The following PHF2 variants were observed in gnomAD, a reference collection of about 807,000 sequenced individuals.
PHF2 encodes the protein PHD finger protein 2, also known as lysine-specific demethylase PHF2.
Under a neutral mutation model 120.5 loss-of-function variants are expected in PHF2, and 27 were observed. That is an observed-to-expected ratio of 0.22 (90% CI 0.17 to 0.31). The LOEUF (loss-of-function observed/expected upper bound fraction) is 0.31. Among genes scored for constraint, PHF2 ranks in the 10% least tolerant of loss-of-function variants. The pLI, the probability that PHF2 is intolerant of heterozygous loss-of-function variation, is 1.00. For synonymous variants in PHF2, 568 were observed against 592.5 expected, an observed-to-expected ratio of 0.96 and a Z score of 0.60; for missense variants, 1,024 against 1,434.8, an observed-to-expected ratio of 0.71 and a Z score of 4.63.
At chr9:93,619,071 G>T (rs899522058) in intron 1 of PHF2, among the ~76,000 whole-genome samples, 1 of 151,920 alleles carries the variant, frequency 6.6e-6, no homozygotes, top group Non-Finnish European at 1.5e-5. Flanking sequence ...TGCAGACCTC[G>T]CTTGCCTGTG....
intron 4 of PHF2, among the ~76,000 whole-genome samples, chr9:93,648,370 G>A (rs1826298616): frequency 6.6e-6 from 1 of 152,208 alleles, no homozygotes; most frequent in Non-Finnish European, 1.5e-5. Flanking sequence ...TTTCATCTGT[G>A]GGGAGGCCTG....
chr9:93,636,327 G>A, intron 2 of PHF2, 84 bp from the exon 3 acceptor site: 1 of 1,027,854 alleles, frequency 9.7e-7, no homozygotes, highest in Non-Finnish European at 1.5e-6. Context: ...AGTAGGCTGG[G>A]TGGGCCAAGG....
chr9:93,679,012 C>T lies in PHF2; in HGVS notation c.*1336C>T. 3.0e-6 allele frequency: 1 copy of T among 331,458 alleles called. No homozygotes were observed. The allele number at this position is 331,458 out of a possible 1,614,324, so 20.5% of individuals were successfully genotyped here. A position where few individuals can be genotyped will look rare whatever the true frequency, so the allele number is the denominator to read the frequency against. On this transcript the variant is annotated 3_prime_UTR_variant, in exon 22 of 22. Coordinates refer to ENST00000359246, the MANE Select transcript of PHF2 (RefSeq NM_005392.4). ...ACACATTTTGAAGATGAATCTTCAA[C>T]TTTAATACCAGCTCTTTGTTTTCCT...
At chr9:93,596,991 C>T (rs1487400331) in intron 1 of PHF2, among the ~76,000 whole-genome samples, 1 of 141,322 alleles carries the variant, frequency 7.1e-6, no homozygotes, top group African/African-American at 2.7e-5. Context: ...AGTGCAGTGG[C>T]ACGATCTCGG....
chr9:93,664,120 G>A (rs550755911), intron 14 of PHF2, among the ~76,000 whole-genome samples: 2 of 152,350 alleles, frequency 1.3e-5, no homozygotes, highest in South Asian at 4.1e-4. Flanking sequence ...GTGAGCTGGT[G>A]CTGAGGACGT....
At chr9:93,647,443 T>C (rs1826281424) in intron 4 of PHF2, among the ~76,000 whole-genome samples, 1 of 152,166 alleles carries the variant, frequency 6.6e-6, no homozygotes, top group Admixed American at 6.5e-5. Flanking sequence ...GTCTTTCTTT[T>C]TCCTCTTAAT....
chr9:93,675,894 C>T, intron 20 of PHF2, 105 bp downstream of exon 20: 1 of 778,196 alleles, frequency 1.3e-6, no homozygotes. Context: ...TACACAGACC[C>T]ACTGAGCCAG....
At chr9:93,600,797 G>C (rs1161516105) in intron 1 of PHF2, among the ~76,000 whole-genome samples, 2 of 152,220 alleles carry the variant, frequency 1.3e-5, no homozygotes, top group African/African-American at 4.8e-5. Context: ...GCTATGGGGA[G>C]GCCAGCCTCT....
chr9:93,658,360 C>A, intron 10 of PHF2, 124 bp downstream of exon 10: 1 of 774,684 alleles, frequency 1.3e-6, no homozygotes, highest in Non-Finnish European at 2.1e-6. Context: ...CTGGGAAGGA[C>A]GGTGGTGCTC....
At chr9:93,615,430 G>A (rs887594499) in intron 1 of PHF2, among the ~76,000 whole-genome samples, 4 of 152,154 alleles carry the variant, frequency 2.6e-5, no homozygotes, top group Admixed American at 2.6e-4. Context: ...ACTATGACAA[G>A]CAGTAAACTA....
chr9:93,591,440 G>A (rs1825222212), intron 1 of PHF2, among the ~76,000 whole-genome samples: 1 of 152,200 alleles, frequency 6.6e-6, no homozygotes, highest in Admixed American at 6.5e-5. Flanking sequence ...ACGGGCACCT[G>A]CCTCTGCATA....
intron 1 of PHF2, among the ~76,000 whole-genome samples, chr9:93,583,826 C>CTTTTTTTTTTTTTTT (rs113746371): frequency 3.1e-4 from 39 of 124,576 alleles, no homozygotes; most frequent in Admixed American, 5.1e-4. Context: ...TTTTTCTTTT[C>CTTTTTTTTTTTTTTT]TTTTTTTTTT....
At chr9:93,649,510 C>T (rs966107769) in intron 5 of PHF2, among the ~76,000 whole-genome samples, 2 of 151,884 alleles carry the variant, frequency 1.3e-5, no homozygotes, top group African/African-American at 4.8e-5. Context: ...CTGGTCTTGG[C>T]CCTGCCCATC....
rs1826855833 is a variant in PHF2, at chr9:93,673,842, G to T, written c.2606G>T (p.Cys869Phe). 6.3e-7 allele frequency: 1 copy of T among 1,599,786 alleles called. No individual in the cohort carries two copies. Among genetic ancestry groups the T allele is most frequent in the Non-Finnish European group, 8.5e-7 (1 of 1,169,734 alleles). Residue 869 changes from cysteine (C) to phenylalanine (F), a missense_variant, in exon 18 of 22, where the codon TGC becomes TTC. Coordinates refer to ENST00000359246, the MANE Select transcript of PHF2 (RefSeq NM_005392.4). ...GAAGAGCAGGACCACCTGGATGCCTGCTTCAAGGACTCAGACTACGGTGAG... is the reference window on the plus strand; with the variant it reads ...GAAGAGCAGGACCACCTGGATGCCTTCTTCAAGGACTCAGACTACGGTGAG... ...YEEEQDHLDACFKDSDYVYPS... is the reference protein window; with the variant it reads ...YEEEQDHLDAFFKDSDYVYPS...
intron 7 of PHF2, 119 bp downstream of exon 7, chr9:93,654,694 C>T: frequency 1.0e-6 from 1 of 968,804 alleles, no homozygotes; most frequent in Non-Finnish European, 1.6e-6. Flanking sequence ...CCTGGCATGC[C>T]TGCTCCCTTG....
intron 1 of PHF2, among the ~76,000 whole-genome samples, chr9:93,616,847 G>T (rs1825737566): frequency 6.6e-6 from 1 of 151,954 alleles, no homozygotes; most frequent in South Asian, 2.1e-4. Context: ...GTAGAGACGG[G>T]GTTTCTCCAT....
intron 17 of PHF2, among the ~76,000 whole-genome samples, chr9:93,671,585 G>A (rs1224166655): frequency 7.0e-6 from 1 of 142,430 alleles, no homozygotes; most frequent in Non-Finnish European, 1.5e-5. Flanking sequence ...TGCAGATGTG[G>A]GTGTGGGAGT....
intron 10 of PHF2, 80 bp downstream of exon 10, chr9:93,658,316 G>C: frequency 2.9e-6 from 3 of 1,048,516 alleles, no homozygotes; most frequent in Non-Finnish European, 4.3e-6. Flanking sequence ...CAGCAGCAAT[G>C]TCCAGGACTT....
chr9:93,640,215 G>A (rs372385713), intron 3 of PHF2, among the ~76,000 whole-genome samples: 3 of 151,874 alleles, frequency 2.0e-5, no homozygotes, highest in African/African-American at 7.2e-5. Flanking sequence ...TGGATCTTTG[G>A]TTTCATGTCT....
Sources: allele counts gnomAD v4.1 joint callset (sites outside exome capture counted in the v4.1 genomes callset), GRCh38; gene constraint gnomAD v4.1.1; transcripts MANE v1.5; gene names NCBI Gene and HGNC (gene_info 2026-07-23, HGNC 2026-07-21).